Variants in KCNIP4 observed in about 807,000 individuals in gnomAD.
The protein encoded by KCNIP4 is potassium voltage-gated channel interacting protein 4.
Under a neutral mutation model 34.0 loss-of-function variants are expected in KCNIP4, and 12 were observed. That is an observed-to-expected ratio of 0.35 (90% confidence interval 0.23 to 0.57). The LOEUF is 0.57. KCNIP4 is among the 20% of genes least tolerant of loss of function. The probability of loss-of-function intolerance (pLI) is 0.83; values close to 1 mark genes in which losing one functional copy is unlikely to be tolerated. For missense variants in KCNIP4, 238 were observed against 311.7 expected, an observed-to-expected ratio of 0.76 and a Z score of 1.78; for synonymous variants, 124 against 102.2, an observed-to-expected ratio of 1.21 and a Z score of -1.29.
chr4:21,576,780 T>C (rs975806022), intron 1 of KCNIP4, among the ~76,000 whole-genome samples: 7 of 152,198 alleles, frequency 4.6e-5, no homozygotes, highest in African/African-American at 1.4e-4. Context: ...AATTATCTTA[T>C]ATTAATATGC....
chr4:21,138,098 G>A (rs1425144972), intron 1 of KCNIP4, among the ~76,000 whole-genome samples: 5 of 151,868 alleles, frequency 3.3e-5, no homozygotes, highest in African/African-American at 7.3e-5. Flanking sequence ...TCTCGAACTC[G>A]TGACCTCAAG....
intron 1 of KCNIP4, among the ~76,000 whole-genome samples, chr4:21,814,328 T>C (rs754134074): frequency 2.9e-4 from 44 of 152,152 alleles, no homozygotes; most frequent in Non-Finnish European, 4.0e-4. Flanking sequence ...GCTCCCACAA[T>C]TCCCACATGT....
intron 1 of KCNIP4, among the ~76,000 whole-genome samples, chr4:21,870,391 G>A (rs1308376503): frequency 6.6e-6 from 1 of 152,124 alleles, no homozygotes; most frequent in Non-Finnish European, 1.5e-5. Flanking sequence ...GGTCCCGTAT[G>A]CACAACTAGA....
At chr4:21,873,818 G>T (rs1277775437) in intron 1 of KCNIP4, among the ~76,000 whole-genome samples, 1 of 152,188 alleles carries the variant, frequency 6.6e-6, no homozygotes, top group African/African-American at 2.4e-5. Flanking sequence ...AATGCTGTCT[G>T]GGTGAAAGAT....
chr4:20,734,506 T>A (rs531804998), intron 6 of KCNIP4, 122 bp downstream of exon 6: 1 of 516,712 alleles, frequency 1.9e-6, no homozygotes, highest in Non-Finnish European at 3.4e-6. Context: ...TTTCTTCCAC[T>A]ACATAAAATA....
At chr4:21,931,012 A>C (rs553567948) in intron 1 of KCNIP4, among the ~76,000 whole-genome samples, 1 of 152,132 alleles carries the variant, frequency 6.6e-6, no homozygotes, top group Non-Finnish European at 1.5e-5. Context: ...TGGAGTCTCA[A>C]TTGCTGAGAA....
intron 1 of KCNIP4, among the ~76,000 whole-genome samples, chr4:20,969,663 G>A (rs1454996141): frequency 6.6e-6 from 1 of 151,408 alleles, no homozygotes; most frequent in Non-Finnish European, 1.5e-5. Flanking sequence ...AATATATAAG[G>A]AACTTCACAC....
At chr4:21,551,226 C>T (rs931669549) in intron 1 of KCNIP4, among the ~76,000 whole-genome samples, 6 of 152,022 alleles carry the variant, frequency 3.9e-5, no homozygotes, top group Non-Finnish European at 8.8e-5. Flanking sequence ...CTTATAAGGG[C>T]ATCATTATAT....
chr4:21,239,527 A>G (rs1196221104), intron 1 of KCNIP4, among the ~76,000 whole-genome samples: 2 of 152,176 alleles, frequency 1.3e-5, no homozygotes, highest in Non-Finnish European at 2.9e-5. Flanking sequence ...GCGAATTTAC[A>G]AGAAAAAAAC....
At chr4:21,325,327 G>A (rs1299340893) in intron 1 of KCNIP4, among the ~76,000 whole-genome samples, 1 of 151,716 alleles carries the variant, frequency 6.6e-6, no homozygotes, top group African/African-American at 2.4e-5. Context: ...GTTCAATCTA[G>A]TAGGATGTAT....
At chr4:21,318,817 CTT>C (rs1714069152) in intron 1 of KCNIP4, among the ~76,000 whole-genome samples, 2 of 151,944 alleles carry the variant, frequency 1.3e-5, no homozygotes, top group Admixed American at 1.3e-4. Flanking sequence ...TAAAAACCCT[CTT>C]GGGTTTTTAT....
At chr4:21,838,397 T>C (rs907597932) in intron 1 of KCNIP4, among the ~76,000 whole-genome samples, 1 of 152,214 alleles carries the variant, frequency 6.6e-6, no homozygotes, top group African/African-American at 2.4e-5. Flanking sequence ...CTTCGTGGAC[T>C]GGTAGCTCAC....
chr4:21,367,713 T>C lies in KCNIP4; in HGVS notation c.62-485004A>G, dbSNP rs925867668. Reference sequence around the variant, plus strand: ...ATGGGGGAGTTTGCTCTGGTGGAAATACATCTGTGTAGGAGTTCCTGTTAA... The same window carrying C: ...ATGGGGGAGTTTGCTCTGGTGGAAACACATCTGTGTAGGAGTTCCTGTTAA... On this transcript the variant is annotated intron_variant, in intron 1 of 8. Transcript: ENST00000382152. Among the ~76,000 whole-genome samples the C allele has an allele frequency of 3.4e-5, 5 of 147,486 alleles. 1 individual carries two copies. The highest frequency in any genetic ancestry group is 1.3e-4 in the African/African-American group (5 of 37,094).
chr4:20,908,434 C>T (rs1728007406), intron 1 of KCNIP4, among the ~76,000 whole-genome samples: 1 of 152,176 alleles, frequency 6.6e-6, no homozygotes, highest in South Asian at 2.1e-4. Context: ...TAAATACTAA[C>T]GATTGCCATT....
At chr4:21,585,135 C>T (rs1229039638) in intron 1 of KCNIP4, among the ~76,000 whole-genome samples, 1 of 152,004 alleles carries the variant, frequency 6.6e-6, no homozygotes, top group Non-Finnish European at 1.5e-5. Context: ...TGTTCAGTGA[C>T]CCCAGTGCTG....
intron 1 of KCNIP4, among the ~76,000 whole-genome samples, chr4:21,405,111 G>A (rs1213935703): frequency 6.6e-6 from 1 of 152,022 alleles, no homozygotes; most frequent in Non-Finnish European, 1.5e-5. Context: ...GATCACCCTG[G>A]CCTGCCTTCA....
chr4:21,178,455 C>T (rs762832102), intron 1 of KCNIP4, among the ~76,000 whole-genome samples: 1 of 152,110 alleles, frequency 6.6e-6, no homozygotes, highest in African/African-American at 2.4e-5. Flanking sequence ...CTGGGGTTCA[C>T]ATGAAGGTAG....
At chr4:21,267,609 T>C (rs1451160181) in intron 1 of KCNIP4, among the ~76,000 whole-genome samples, 2 of 146,564 alleles carry the variant, frequency 1.4e-5, no homozygotes, top group Non-Finnish European at 1.5e-5. Flanking sequence ...GAGATAATCA[T>C]GTGGTTTTTG....
chr4:21,614,181 C>T (rs1300042553), intron 1 of KCNIP4, among the ~76,000 whole-genome samples: 1 of 151,224 alleles, frequency 6.6e-6, no homozygotes, highest in Non-Finnish European at 1.5e-5. Flanking sequence ...CAGAGAAAAT[C>T]AATTCAGCCT....
Sources: gnomAD v4.1 joint callset for allele counts (sites outside exome capture counted in the v4.1 genomes callset) on GRCh38, gnomAD v4.1.1 for gene constraint, MANE v1.5 for transcripts, NCBI Gene and HGNC (gene_info 2026-07-23, HGNC 2026-07-21) for gene names.